POPDC3: variants seen among roughly 807,000 people sequenced by gnomAD.
The protein encoded by POPDC3 is popeye domain cAMP effector 3, also known as popeye domain-containing protein 3.
POPDC3 carries 20 observed loss-of-function variants against 28.2 expected under a neutral mutation model. The observed-to-expected ratio is 0.71, with a 90% CI of 0.50 to 1.03. POPDC3 has a LOEUF of 1.03. POPDC3 is among the 50% of genes least tolerant of loss of function. The pLI is 0.00. For missense variants in POPDC3, 316 were observed against 345.9 expected (o/e 0.91, Z 0.69); for synonymous variants, 118 against 124.1 (o/e 0.95, Z 0.33).
intron 1 of POPDC3, among the ~76,000 whole-genome samples, chr6:105,176,362 A>G (rs1168968450): frequency 1.3e-5 from 2 of 152,166 alleles, no homozygotes; most frequent in Non-Finnish European, 2.9e-5. Flanking sequence ...GCATAATGTG[A>G]TGAGCTGGCC....
At chr6:105,162,588 C>A (rs146514320) in intron 1 of POPDC3, among the ~76,000 whole-genome samples, 212 of 152,294 alleles carry the variant, frequency 1.4e-3, no homozygotes, top group African/African-American at 4.9e-3. Flanking sequence ...AAAAATTACC[C>A]AGGCGTGGTG....
intron 1 of POPDC3, among the ~76,000 whole-genome samples, chr6:105,173,717 G>C (rs1774627252): frequency 6.6e-6 from 1 of 152,062 alleles, no homozygotes; most frequent in African/African-American, 2.4e-5. Context: ...ATTTTGACAA[G>C]TACAGTGAAT....
chr6:105,172,358 G>T (rs1774594562), intron 1 of POPDC3, among the ~76,000 whole-genome samples: 1 of 151,190 alleles, frequency 6.6e-6, no homozygotes, highest in Non-Finnish European at 1.5e-5. Flanking sequence ...CAGTTAGAAT[G>T]GCAATCATTA....
chr6:105,161,928 T>C lies in POPDC3; in HGVS notation c.-19A>G. 6.4e-7 allele frequency: 1 copy of C among 1,565,246 alleles called. No individual in the cohort carries two copies. The highest frequency in any genetic ancestry group is 8.6e-7 in the Non-Finnish European group (1 of 1,159,378). On this transcript the variant is annotated 5_prime_UTR_variant, in exon 2 of 4. Transcript: ENST00000254765. ...TTTCCATGGCTGTATTACTGCCTGC[T>C]TCACTTTTCAGTTGACTTTAGATGA...
intron 1 of POPDC3, among the ~76,000 whole-genome samples, chr6:105,174,034 C>A (rs542655184): frequency 4.1e-4 from 62 of 152,198 alleles, no homozygotes; most frequent in African/African-American, 1.5e-3. Flanking sequence ...AAAAGCAAAT[C>A]AATTGCAAGG....
At chr6:105,173,002 G>A (rs1258646501) in intron 1 of POPDC3, among the ~76,000 whole-genome samples, 2 of 152,118 alleles carry the variant, frequency 1.3e-5, no homozygotes, top group African/African-American at 2.4e-5. Context: ...AAACCTGCAC[G>A]TTGTGCACAT....
Position 105,158,312 on chromosome 6 carries a change from G to A in POPDC3, c.*158C>T. ...AAAATTTGTAAAGTTTATTCACAAT[G>A]CAGTTGTTGAAAGGAATAAAACAGT... On this transcript the variant is annotated 3_prime_UTR_variant, in exon 4 of 4. Transcript: ENST00000254765. 1 of 562,522 alleles carries A rather than the reference G, an allele frequency of 1.8e-6. No homozygotes were observed. Among genetic ancestry groups the A allele is most frequent in the Non-Finnish European group, 3.0e-6 (1 of 335,832 alleles). 34.8% of individuals were successfully genotyped at this position (562,522 alleles called of 1,614,324 possible). A position where few individuals can be genotyped will look rare whatever the true frequency, so the allele number is the denominator to read the frequency against.
chr6:105,159,820 C>T lies in POPDC3; in HGVS notation c.486-1G>A, dbSNP rs113419658. ...TTCGCCATCAACTGTCACTCTGATCCTATCAAAACACAAGAACAACATTTA... is the reference window on the plus strand; with the variant it reads ...TTCGCCATCAACTGTCACTCTGATCTTATCAAAACACAAGAACAACATTTA... On this transcript the variant is annotated splice_acceptor_variant, in intron 2 of 3. Transcript: ENST00000254765. LOFTEE classifies it high-confidence loss of function. 2.5e-5 allele frequency: 40 copies of T among 1,595,930 alleles called. No homozygotes were observed. The highest frequency in any genetic ancestry group is 3.2e-5 in the Non-Finnish European group (37 of 1,166,260).
chr6:105,158,923 ATACG>A (rs1247020141), intron 3 of POPDC3, 172 bp from the exon 4 acceptor site: 8 of 518,064 alleles, frequency 1.5e-5, no homozygotes, highest in Non-Finnish European at 2.4e-5. Flanking sequence ...TCGTTACTAC[ATACG>A]TAATTTATAA....
In POPDC3 at chr6:105,170,522, G is replaced by A. The variant is rs114923977; in HGVS notation, c.-251-8362C>T. ...TCTTTTTTTCTGGCTAAATAACCAG[G>A]TGGACCACACATTTGGGTCAGGGGA... On this transcript the variant is annotated intron_variant, in intron 1 of 3. Transcript: ENST00000254765. Among the ~76,000 whole-genome samples, 695 of 152,234 alleles carry A rather than the reference G, an allele frequency of 4.6e-3. 7 individuals carry two copies. The highest frequency in any genetic ancestry group is 0.016 in the African/African-American group (670 of 41,524).
intron 2 of POPDC3, among the ~76,000 whole-genome samples, chr6:105,161,122 C>A (rs1312076578): frequency 1.3e-5 from 2 of 152,242 alleles, no homozygotes; most frequent in East Asian, 3.8e-4. Context: ...AAGCTGACAT[C>A]ATCCTCTTCT....
intron 3 of POPDC3, 147 bp from the exon 4 acceptor site, chr6:105,158,898 T>C (rs998092757): frequency 6.6e-6 from 4 of 603,276 alleles, no homozygotes; most frequent in African/African-American, 1.8e-5. Flanking sequence ...ATTGCAAAAA[T>C]AGAAACTACA....
rs746910411 is a variant in POPDC3 at position 105,159,784 on chromosome 6, T to A, written c.521A>T (p.Tyr174Phe). ...RVTVDGEFLH[Y>F]IFPLQFLDSP... Reference sequence around the variant, plus strand: ...ATCCAGGAACTGAAGGGGGAAAATGTAATGCAGAAATTCGCCATCAACTGT... The same window carrying A: ...ATCCAGGAACTGAAGGGGGAAAATGAAATGCAGAAATTCGCCATCAACTGT... Residue 174 changes from tyrosine to phenylalanine, a missense_variant, in exon 3 of 4, where the codon TAC becomes TTC. Physicochemically the swap from Tyr to Phe is conservative, Grantham distance 22. Transcript: ENST00000254765. 1 of 1,613,280 alleles carries A rather than the reference T, an allele frequency of 6.2e-7. No individual in the cohort carries two copies. The highest frequency in any genetic ancestry group is 2.2e-5 in the East Asian group (1 of 44,820).
At chr6:105,159,625 C>T in intron 3 of POPDC3, 86 bp downstream of exon 3, 2 of 739,122 alleles carry the variant, frequency 2.7e-6, no homozygotes, top group Non-Finnish European at 2.3e-6. Flanking sequence ...CTTGTCTTAT[C>T]CACTGTTGTT....
intron 1 of POPDC3, chr6:105,169,676 G>A (rs1181970423): frequency 6.6e-6 from 1 of 152,168 alleles, no homozygotes; most frequent in African/African-American, 2.4e-5. Flanking sequence ...TCAGCATTGG[G>A]AAGGCAATAT....
rs911875875 is a variant in POPDC3, at chr6:105,158,240, C to T, written c.*230G>A. Reference sequence around the variant, plus strand: ...TTGATGCAGAAAAGGGCAAACTGCCCATAGTTATCCACCCCCTCCCCAATT... The same window carrying T: ...TTGATGCAGAAAAGGGCAAACTGCCTATAGTTATCCACCCCCTCCCCAATT... On this transcript the variant is annotated 3_prime_UTR_variant, in exon 4 of 4. Transcript: ENST00000254765. 13 of 469,346 alleles carry T rather than the reference C, an allele frequency of 2.8e-5. No homozygotes were observed. In the South Asian group the frequency reaches 2.9e-4, roughly 11 times the overall value. The allele number at this position is 469,346 out of a possible 1,614,324, so 29.1% of individuals were successfully genotyped here.
chr6:105,170,829 G>C (rs916597774), intron 1 of POPDC3, among the ~76,000 whole-genome samples: 4 of 152,100 alleles, frequency 2.6e-5, no homozygotes, highest in African/African-American at 9.7e-5. Context: ...AAAAACAATA[G>C]CACAGTTACA....
chr6:105,166,617 C>G (rs780815972), intron 1 of POPDC3: 2 of 471,050 alleles, frequency 4.2e-6, no homozygotes, highest in African/African-American at 4.0e-5. Context: ...CGTTTTCCTT[C>G]CGTACACTCA....
At chr6:105,166,911 T>C (rs1406847045) in intron 1 of POPDC3, among the ~76,000 whole-genome samples, 1 of 151,720 alleles carries the variant, frequency 6.6e-6, no homozygotes, top group African/African-American at 2.4e-5. Context: ...AACAGCTTTA[T>C]TGATAGAGCA....
Sources: allele counts gnomAD v4.1 joint callset (sites outside exome capture counted in the v4.1 genomes callset), GRCh38; gene constraint gnomAD v4.1.1; transcripts MANE v1.5; gene names NCBI Gene and HGNC (gene_info 2026-07-23, HGNC 2026-07-21).